SPAG16: variants seen among roughly 807,000 people sequenced by gnomAD.
SPAG16 encodes the protein sperm-associated antigen 16 protein.
SPAG16 carries 86 observed loss-of-function variants against 80.4 expected under a neutral mutation model. That is an observed-to-expected ratio of 1.07 (90% CI 0.90 to 1.28). The LOEUF (loss-of-function observed/expected upper bound fraction) is 1.28, where lower values mean the gene tolerates loss of function less well. Ranked by LOEUF, SPAG16 falls within the 50% of genes most tolerant of loss-of-function variation. SPAG16 has a pLI of 0.00. For missense variants in SPAG16, 870 were observed against 765.3 expected (o/e 1.14, Z -1.61); for synonymous variants, 294 against 265.9 (o/e 1.11, Z -1.03).
At chr2:213,355,111 C>G (rs912607553) in intron 7 of SPAG16, among the ~76,000 whole-genome samples, 1 of 152,080 alleles carries the variant, frequency 6.6e-6, no homozygotes, top group African/African-American at 2.4e-5. Context: ...CACCATTTAT[C>G]AAATAGGGAA....
At chr2:213,678,457 A>G (rs1217629614) in intron 10 of SPAG16, among the ~76,000 whole-genome samples, 2 of 152,214 alleles carry the variant, frequency 1.3e-5, no homozygotes, top group Non-Finnish European at 2.9e-5. Flanking sequence ...ATCCCACAGA[A>G]ATACAAACTA....
chr2:213,995,053 A>C (rs1418175141), intron 12 of SPAG16, among the ~76,000 whole-genome samples: 2 of 152,222 alleles, frequency 1.3e-5, no homozygotes, highest in Non-Finnish European at 2.9e-5. Context: ...GAATGGGCTC[A>C]AGAGAAATGG....
chr2:213,402,294 C>G (rs548389536), intron 9 of SPAG16, among the ~76,000 whole-genome samples: 58 of 152,120 alleles, frequency 3.8e-4, no homozygotes, highest in African/African-American at 1.3e-3. Flanking sequence ...AAAATTCATT[C>G]CTTTCAGAGA....
intron 15 of SPAG16, among the ~76,000 whole-genome samples, chr2:214,154,485 C>G (rs1371976741): frequency 7.3e-6 from 1 of 137,738 alleles, no homozygotes; most frequent in Non-Finnish European, 1.5e-5. Flanking sequence ...ATTCAAAATG[C>G]AAAAAGTATC....
intron 10 of SPAG16, among the ~76,000 whole-genome samples, chr2:213,821,876 T>C (rs2662644): frequency 0.9 from 137,630 of 152,188 alleles, 63,866 homozygotes; most frequent in East Asian, 1. Flanking sequence ...TTGCAAGTGA[T>C]GGGATCTCAT....
intron 12 of SPAG16, among the ~76,000 whole-genome samples, chr2:213,962,971 T>C (rs561531189): frequency 4.3e-4 from 66 of 152,266 alleles, no homozygotes; most frequent in African/African-American, 1.5e-3. Flanking sequence ...ATTTTGTTCA[T>C]CTTTTCTATG....
intron 15 of SPAG16, among the ~76,000 whole-genome samples, chr2:214,394,884 C>T (rs560888894): frequency 1.3e-5 from 2 of 152,314 alleles, no homozygotes; most frequent in African/African-American, 4.8e-5. Flanking sequence ...CTCCCCACAA[C>T]TCCTGGCAGC....
At chr2:214,155,678 T>A (rs1272295126) in intron 15 of SPAG16, among the ~76,000 whole-genome samples, 1 of 152,084 alleles carries the variant, frequency 6.6e-6, no homozygotes, top group Non-Finnish European at 1.5e-5. Flanking sequence ...TACATAAAAA[T>A]AAAATTGCTG....
chr2:214,227,387 A>G (rs1401137348), intron 15 of SPAG16, among the ~76,000 whole-genome samples: 1 of 152,080 alleles, frequency 6.6e-6, no homozygotes, highest in Admixed American at 6.6e-5. Context: ...AATTAAGTAA[A>G]TAAAAGCCAA....
At chr2:214,368,869 A>G (rs1178452499) in intron 15 of SPAG16, among the ~76,000 whole-genome samples, 4 of 152,028 alleles carry the variant, frequency 2.6e-5, no homozygotes, top group South Asian at 4.1e-4. Context: ...ATTTCTGCCT[A>G]TATCTTAATT....
chr2:214,230,902 C>T lies in SPAG16; in HGVS notation c.1720+81636C>T, dbSNP rs1249832809. 2.6e-5 allele frequency among the ~76,000 whole-genome samples: 4 copies of T among 151,924 alleles called. No individual in the cohort carries two copies. The East Asian group carries it at 7.7e-4, about 29-fold the overall frequency. On this transcript the variant is annotated intron_variant, in intron 15 of 15. Coordinates refer to ENST00000331683, the MANE Select transcript of SPAG16 (RefSeq NM_024532.5). ...GAAAACAAGATGGGCCAAACAGAAC[C>T]AAACCATCTGTCTATCTTGGGTCTC...
intron 9 of SPAG16, among the ~76,000 whole-genome samples, chr2:213,420,669 T>A (rs2069529221): frequency 6.6e-6 from 1 of 152,238 alleles, no homozygotes; most frequent in African/African-American, 2.4e-5. Context: ...TATGTAAAAT[T>A]CTTATAGTTC....
chr2:214,316,145 T>G (rs201868873), intron 15 of SPAG16, among the ~76,000 whole-genome samples: 1 of 410 alleles, frequency 2.4e-3, no homozygotes, highest in African/African-American at 5.2e-3. Context: ...ACTTTTTGGG[T>G]TTTTTTTTTT....
intron 13 of SPAG16, among the ~76,000 whole-genome samples, chr2:214,017,334 G>T (rs996625679): frequency 2.6e-5 from 4 of 152,082 alleles, no homozygotes; most frequent in African/African-American, 9.7e-5. Flanking sequence ...AATATATTTT[G>T]AACTAAAAAC....
chr2:213,782,038 C>T (rs951468924), intron 10 of SPAG16, among the ~76,000 whole-genome samples: 2 of 152,106 alleles, frequency 1.3e-5, no homozygotes, highest in Admixed American at 1.3e-4. Context: ...TGGAAACCTT[C>T]CTGCTTACTG....
intron 10 of SPAG16, among the ~76,000 whole-genome samples, chr2:213,520,029 A>T (rs1219565264): frequency 1.4e-5 from 2 of 145,176 alleles, no homozygotes; most frequent in African/African-American, 4.9e-5. Flanking sequence ...ATGTGCGTGC[A>T]CACACACACA....
intron 9 of SPAG16, among the ~76,000 whole-genome samples, chr2:213,416,944 G>T (rs143774027): frequency 3.0e-4 from 45 of 152,338 alleles, no homozygotes; most frequent in African/African-American, 9.9e-4. Flanking sequence ...AGACTTAACA[G>T]TTTAGAATTG....
At chr2:213,906,057 C>G (rs1230226979) in intron 11 of SPAG16, among the ~76,000 whole-genome samples, 2 of 152,082 alleles carry the variant, frequency 1.3e-5, no homozygotes, top group East Asian at 3.9e-4. Flanking sequence ...ATCTTACCAG[C>G]AACAGACAGG....
chr2:214,307,954 G>A (rs1046441994), intron 15 of SPAG16, among the ~76,000 whole-genome samples: 1 of 152,054 alleles, frequency 6.6e-6, no homozygotes, highest in Non-Finnish European at 1.5e-5. Flanking sequence ...TTAATTTTCT[G>A]TCTCAATTAT....
Sources: gnomAD v4.1 joint callset for allele counts (sites outside exome capture counted in the v4.1 genomes callset) on GRCh38, gnomAD v4.1.1 for gene constraint, MANE v1.5 for transcripts, NCBI Gene and HGNC (gene_info 2026-07-23, HGNC 2026-07-21) for gene names.